Variants in APBA2 observed in about 807,000 individuals in gnomAD.
APBA2 encodes amyloid-beta A4 precursor protein-binding family A member 2.
Under a neutral mutation model 75.0 loss-of-function variants are expected in APBA2, and 30 were observed. The ratio of observed to expected loss-of-function variants is 0.40; its 90% CI spans 0.30 to 0.54. The LOEUF (loss-of-function observed/expected upper bound fraction) is 0.54, where lower values mean the gene tolerates loss of function less well. Ranked by LOEUF, APBA2 falls within the 20% of genes least tolerant of loss-of-function variation. The pLI is 0.49. For synonymous variants in APBA2, 444 were observed against 409.6 expected (o/e 1.08, Z -1.01); for missense variants, 801 against 1,016.1 (o/e 0.79, Z 2.88).
intron 1 of APBA2, among the ~76,000 whole-genome samples, chr15:28,899,102 T>C (rs1015819396): frequency 6.6e-5 from 10 of 152,216 alleles, no homozygotes; most frequent in Non-Finnish European, 1.5e-5. Flanking sequence ...AGAAGAGCAG[T>C]CGGGGGGAGA....
chr15:28,997,261 T>C (rs1826660427), intron 3 of APBA2, among the ~76,000 whole-genome samples: 1 of 152,294 alleles, frequency 6.6e-6, no homozygotes, highest in Non-Finnish European at 1.5e-5. Flanking sequence ...CCCTCGTCCA[T>C]GAAACAGGGT....
At chr15:28,949,579 C>A (rs2152720005) in intron 2 of APBA2, among the ~76,000 whole-genome samples, 1 of 152,278 alleles carries the variant, frequency 6.6e-6, no homozygotes. Flanking sequence ...AGCGATCCTC[C>A]CACCTCAGCC....
intron 1 of APBA2, among the ~76,000 whole-genome samples, chr15:28,887,577 C>G (rs753698178): frequency 1.4e-4 from 21 of 152,084 alleles, no homozygotes; most frequent in Non-Finnish European, 2.2e-4. Flanking sequence ...TCCAGGATGC[C>G]CTGCCCTCTG....
chr15:29,039,276 T>A (rs1456112358), intron 3 of APBA2, among the ~76,000 whole-genome samples: 1 of 152,032 alleles, frequency 6.6e-6, no homozygotes, highest in Admixed American at 6.6e-5. Flanking sequence ...CGTATCTTAT[T>A]ACCACAAAGA....
chr15:29,113,530 C>T (rs907633805), intron 13 of APBA2, among the ~76,000 whole-genome samples: 20 of 152,102 alleles, frequency 1.3e-4, no homozygotes, highest in Non-Finnish European at 2.4e-4. Flanking sequence ...AGGATGGTAA[C>T]CAGGCTGTGC....
At chr15:29,047,407 A>G (rs2041390414) in intron 3 of APBA2, among the ~76,000 whole-genome samples, 2 of 152,208 alleles carry the variant, frequency 1.3e-5, no homozygotes, top group African/African-American at 2.4e-5. Context: ...CAGCCAAGCC[A>G]TATTGCAGCC....
chr15:29,028,533 T>A (rs2040337134), intron 3 of APBA2, among the ~76,000 whole-genome samples: 2 of 152,208 alleles, frequency 1.3e-5, no homozygotes, highest in Admixed American at 6.5e-5. Flanking sequence ...AGTAATGGGA[T>A]CACTGGGTCA....
At chr15:28,890,698 C>G (rs1245491981) in intron 1 of APBA2, among the ~76,000 whole-genome samples, 1 of 152,206 alleles carries the variant, frequency 6.6e-6, no homozygotes, top group Non-Finnish European at 1.5e-5. Flanking sequence ...GGGCCAGTCA[C>G]CTGGCTTGAG....
At chr15:28,893,872 A>G (rs1320454454) in intron 1 of APBA2, 2 of 152,196 alleles carry the variant, frequency 1.3e-5, no homozygotes, top group Non-Finnish European at 2.9e-5. Context: ...TCTTGATCAC[A>G]GGCGTGCCTG....
chr15:28,901,033 G>A (rs2032820592), intron 1 of APBA2, among the ~76,000 whole-genome samples: 1 of 152,078 alleles, frequency 6.6e-6, no homozygotes, highest in Non-Finnish European at 1.5e-5. Context: ...TCCACACCCC[G>A]TCCCATGTCA....
intron 2 of APBA2, among the ~76,000 whole-genome samples, chr15:28,963,488 C>CA (rs1413345869): frequency 1.3e-5 from 2 of 152,136 alleles, no homozygotes; most frequent in African/African-American, 2.4e-5. Flanking sequence ...ATGGGTTCTC[C>CA]AAGCCACACA....
rs1026045620 is a variant in APBA2, at chr15:28,967,231, A to G, written c.-94-28522A>G. On this transcript the variant is annotated intron_variant, in intron 2 of 14. Transcript: ENST00000683413. ...ACATACCATGTAACTCATACCTTTA[A>G]ACTGTACAATTCAGTGGTTTTTAGT... Among the ~76,000 whole-genome samples the G allele has an allele frequency of 2.0e-5, 3 of 152,122 alleles. No homozygotes were observed. The East Asian group carries it at 5.8e-4, about 29-fold the overall frequency.
chr15:29,103,538 G>A (rs2044237407), intron 10 of APBA2, among the ~76,000 whole-genome samples: 1 of 152,264 alleles, frequency 6.6e-6, no homozygotes, highest in African/African-American at 2.4e-5. Context: ...TACCCGGCGT[G>A]GAGTGACGGG....
At chr15:28,891,298 G>T (rs552562810) in intron 1 of APBA2, among the ~76,000 whole-genome samples, 1 of 152,328 alleles carries the variant, frequency 6.6e-6, no homozygotes, top group South Asian at 2.1e-4. Flanking sequence ...AGAACACTCT[G>T]CTGTGACGGG....
intron 3 of APBA2, among the ~76,000 whole-genome samples, chr15:29,049,830 A>G (rs1473844560): frequency 1.3e-5 from 2 of 152,234 alleles, no homozygotes; most frequent in Non-Finnish European, 2.9e-5. Flanking sequence ...GAACTAATTT[A>G]TACCACACAG....
At chr15:29,113,255 C>G (rs371006652) in intron 13 of APBA2, among the ~76,000 whole-genome samples, 3 of 152,208 alleles carry the variant, frequency 2.0e-5, no homozygotes, top group African/African-American at 7.2e-5. Context: ...TGGAAGCCCC[C>G]ACCGCTGCAC....
At chr15:29,114,076 T>A (rs1239654401) in intron 14 of APBA2, 60 bp downstream of exon 14, 1 of 1,609,574 alleles carries the variant, frequency 6.2e-7, no homozygotes, top group Non-Finnish European at 8.5e-7. Context: ...CCGCCTGCCC[T>A]CCATGAGCCT....
rs548915957 is a variant in APBA2, at chr15:28,940,423, C to T, written c.-95+18674C>T. On this transcript the variant is annotated intron_variant, in intron 2 of 14. Transcript: ENST00000683413. The stretch of plus-strand genomic sequence containing the variant: ...TGGTGGCAGGCACCTGTAGTCCCAG[C>T]TACTCCGAAGGCTGAGACAGGAGAA... 2.1e-5 allele frequency among the ~76,000 whole-genome samples: 3 copies of T among 145,338 alleles called. No homozygotes were observed. The South Asian group carries it at 6.7e-4, about 32-fold the overall frequency.
intron 2 of APBA2, among the ~76,000 whole-genome samples, chr15:28,945,190 C>G (rs896955755): frequency 6.6e-6 from 1 of 152,110 alleles, no homozygotes; most frequent in South Asian, 2.1e-4. Flanking sequence ...GGCGCGGGGA[C>G]GACCAGAGGG....
Sources: allele counts gnomAD v4.1 joint callset (sites outside exome capture counted in the v4.1 genomes callset), GRCh38; gene constraint gnomAD v4.1.1; transcripts MANE v1.5; gene names NCBI Gene and HGNC (gene_info 2026-07-23, HGNC 2026-07-21).